Variants in WDFY4 observed in about 807,000 individuals in gnomAD.
WDFY4 encodes the protein WD repeat- and FYVE domain-containing protein 4.
Under a neutral mutation model 351.9 loss-of-function variants are expected in WDFY4, and 169 were observed. The ratio of observed to expected loss-of-function variants is 0.48; its 90% confidence interval spans 0.42 to 0.55. WDFY4 has a LOEUF of 0.55. WDFY4 is among the 20% of genes least tolerant of loss of function. The pLI, the probability that WDFY4 is intolerant of heterozygous loss-of-function variation, is 0.00. For missense variants in WDFY4, 3,803 were observed against 3,935.6 expected (o/e 0.97, Z 0.90); for synonymous variants, 1,622 against 1,574.6 (o/e 1.03, Z -0.71).
At chr10:48,901,193 G>A (rs1382821118) in intron 46 of WDFY4, among the ~76,000 whole-genome samples, 1 of 152,246 alleles carries the variant, frequency 6.6e-6, no homozygotes, top group African/African-American at 2.4e-5. Context: ...TTGGACTCAG[G>A]TGAGCCTGCT....
At chr10:48,822,026 G>A (rs2067840441) in intron 34 of WDFY4, among the ~76,000 whole-genome samples, 1 of 152,132 alleles carries the variant, frequency 6.6e-6, no homozygotes, top group South Asian at 2.1e-4. Context: ...TGACAGTATG[G>A]CTTTATCCTC....
In WDFY4 at chr10:48,946,502, A is replaced by G. The variant is rs1841049372; in HGVS notation, c.7867+345A>G. ...ATTTATTCAGCACTTTCTCTCTGCC[A>G]GGGGCAGGCCAGCCTGTGTTTGTAT... On this transcript the variant is annotated intron_variant, in intron 50 of 61. Transcript: ENST00000325239. Among the ~76,000 whole-genome samples, 2 of 152,270 alleles carry G rather than the reference A, an allele frequency of 1.3e-5. 1 individual carries two copies. The highest frequency in any genetic ancestry group is 4.8e-5 in the African/African-American group (2 of 41,478).
At chr10:48,690,107 ATTC>A (rs962542298) in intron 1 of WDFY4, among the ~76,000 whole-genome samples, 1 of 152,214 alleles carries the variant, frequency 6.6e-6, no homozygotes, top group African/African-American at 2.4e-5. Flanking sequence ...TGAATGATTA[ATTC>A]TTCTTTTGAG....
At chr10:48,910,297 A>C in intron 47 of WDFY4, 1 of 1,595,412 alleles carries the variant, frequency 6.3e-7, no homozygotes, top group Non-Finnish European at 8.6e-7. Flanking sequence ...CAATTGCTCC[A>C]GGCCACAGAG....
chr10:48,913,660 G>A (rs1838221199), intron 47 of WDFY4: 2 of 1,613,694 alleles, frequency 1.2e-6, no homozygotes, highest in African/African-American at 1.3e-5. Context: ...AGCTTGGGGA[G>A]CTTGGAGATG....
chr10:48,829,471 G>A (rs1414352290), intron 37 of WDFY4, among the ~76,000 whole-genome samples: 1 of 152,136 alleles, frequency 6.6e-6, no homozygotes, highest in Non-Finnish European at 1.5e-5. Flanking sequence ...CTCTCTCTTG[G>A]TCTAGGAAGC....
intron 23 of WDFY4, among the ~76,000 whole-genome samples, chr10:48,792,326 C>A (rs562900496): frequency 6.6e-6 from 1 of 152,222 alleles, no homozygotes; most frequent in Non-Finnish European, 1.5e-5. Context: ...TGGGCACATC[C>A]CGTTTTAATT....
intron 31 of WDFY4, among the ~76,000 whole-genome samples, chr10:48,816,056 A>G (rs944915365): frequency 1.3e-5 from 2 of 152,092 alleles, no homozygotes; most frequent in Non-Finnish European, 2.9e-5. Context: ...TTGTCCCATT[A>G]TTATTGGCTT....
intron 47 of WDFY4, among the ~76,000 whole-genome samples, chr10:48,930,600 A>G (rs1156446567): frequency 6.6e-6 from 1 of 152,204 alleles, no homozygotes; most frequent in Non-Finnish European, 1.5e-5. Context: ...TGGAGAACAC[A>G]TGGAGGCCAC....
At chr10:48,790,364 C>T (rs528870312) in intron 22 of WDFY4, among the ~76,000 whole-genome samples, 1 of 152,304 alleles carries the variant, frequency 6.6e-6, no homozygotes, top group Admixed American at 6.5e-5. Context: ...GTGCAAGTGC[C>T]CTGCCCAGCA....
intron 47 of WDFY4, chr10:48,914,148 T>C (rs1564479221): frequency 3.7e-6 from 6 of 1,612,594 alleles, no homozygotes; most frequent in Non-Finnish European, 5.1e-6. Context: ...TTTCTCACCC[T>C]TAACCATGTT....
chr10:48,745,875 G>T, intron 12 of WDFY4: 1 of 309,960 alleles, frequency 3.2e-6, no homozygotes, highest in South Asian at 3.5e-5. Flanking sequence ...CTTGCGGACC[G>T]CGGGCCCTGC....
intron 47 of WDFY4, among the ~76,000 whole-genome samples, chr10:48,927,944 C>A (rs1211251605): frequency 6.6e-6 from 1 of 152,156 alleles, no homozygotes; most frequent in East Asian, 1.9e-4. Context: ...CCTTGTTCAT[C>A]CACCCTATGT....
intron 43 of WDFY4, among the ~76,000 whole-genome samples, chr10:48,879,547 C>T (rs1021125087): frequency 3.3e-5 from 5 of 152,242 alleles, no homozygotes; most frequent in African/African-American, 7.2e-5. Flanking sequence ...GTGATTTTAA[C>T]GCAATGCACA....
intron 29 of WDFY4, among the ~76,000 whole-genome samples, chr10:48,811,334 T>C (rs993532092): frequency 9.9e-5 from 15 of 152,228 alleles, no homozygotes; most frequent in African/African-American, 3.6e-4. Flanking sequence ...AGTATGTTTT[T>C]GAGTGAATGA....
rs1169439101 is a variant in WDFY4, at chr10:48,964,117, C to T, written c.8436+63C>T. 3.3e-6 allele frequency: 5 copies of T among 1,512,788 alleles called. No individual in the cohort carries two copies. The Admixed American group carries it at 9.8e-5, about 30-fold the overall frequency. 93.7% of individuals were successfully genotyped at this position (1,512,788 alleles called of 1,614,324 possible). A position where few individuals can be genotyped will look rare whatever the true frequency, so the allele number is the denominator to read the frequency against. ...AGAGTGTGTGCAGTGTGAGGACATT[C>T]TCTCCTGGGGTGAAAGTGAAGGAGA... On this transcript the variant is annotated intron_variant, in intron 54 of 61. Transcript: ENST00000325239.
intron 50 of WDFY4, 109 bp from the exon 51 acceptor site, chr10:48,946,751 C>T: frequency 1.2e-6 from 1 of 805,026 alleles, no homozygotes; most frequent in South Asian, 1.7e-5. Flanking sequence ...TCCTAAACGT[C>T]AATGAATATA....
chr10:48,873,406 C>T (rs755198100), intron 40 of WDFY4, 85 bp from the exon 41 acceptor site: 33 of 1,409,856 alleles, frequency 2.3e-5, no homozygotes, highest in East Asian at 1.2e-4. Flanking sequence ...GGAGACTTGG[C>T]TTATTCACCC....
At chr10:48,965,772 C>CTG (rs1187921381) in intron 54 of WDFY4, among the ~76,000 whole-genome samples, 78 of 152,298 alleles carry the variant, frequency 5.1e-4, no homozygotes, top group African/African-American at 1.7e-3. Flanking sequence ...AAACTTATAT[C>CTG]TATATCAGTT....
Sources: gnomAD v4.1 joint callset for allele counts (sites outside exome capture counted in the v4.1 genomes callset) on GRCh38, gnomAD v4.1.1 for gene constraint, MANE v1.5 for transcripts, NCBI Gene and HGNC (gene_info 2026-07-23, HGNC 2026-07-21) for gene names.